ATE1: variants seen among roughly 807,000 people sequenced by gnomAD.
ATE1 encodes the protein arginyltransferase 1.
A neutral mutation model predicts 70.5 loss-of-function variants in ATE1; 36 were observed. That is an observed-to-expected ratio of 0.51 (90% CI 0.39 to 0.67). The LOEUF (loss-of-function observed/expected upper bound fraction) is 0.67. Ranked by LOEUF, ATE1 falls within the 30% of genes least tolerant of loss-of-function variation. ATE1 has a pLI of 0.00. For missense variants in ATE1, 593 were observed against 629.5 expected, an observed-to-expected ratio of 0.94 and a Z score of 0.62; for synonymous variants, 232 against 219.3, an observed-to-expected ratio of 1.06 and a Z score of -0.51.
chr10:121,831,272 G>A (rs1165856584), intron 10 of ATE1, among the ~76,000 whole-genome samples: 13 of 151,960 alleles, frequency 8.6e-5, no homozygotes, highest in Admixed American at 7.2e-4. Flanking sequence ...ACACACATAC[G>A]TTTATTTATA....
chr10:121,760,937 A>G (rs767873168), intron 11 of ATE1, among the ~76,000 whole-genome samples: 11 of 152,190 alleles, frequency 7.2e-5, no homozygotes, highest in East Asian at 1.9e-4. Context: ...TTGATGTCCA[A>G]TGTTGGAGGT....
chr10:121,833,753 T>C (rs772549381), intron 10 of ATE1, among the ~76,000 whole-genome samples: 8 of 152,142 alleles, frequency 5.3e-5, no homozygotes, highest in Non-Finnish European at 8.8e-5. Context: ...AGGGCAAAGA[T>C]AGGAGCTTCT....
rs533284479 is a variant in ATE1 at position 121,756,135 on chromosome 10, A to T, written c.1379-12277T>A. On this transcript the variant is annotated intron_variant, in intron 11 of 11. Coordinates refer to ENST00000224652, the MANE Select transcript of ATE1 (RefSeq NM_001001976.3). ...CCAAATGGGAGAAATTGGCCAAAAC[A>T]AAAGGGCTACAGGTCCCATGCAAGT... Among the ~76,000 whole-genome samples, 4 of 152,214 alleles carry T rather than the reference A, an allele frequency of 2.6e-5. No individual in the cohort carries two copies. The East Asian group carries it at 7.7e-4, about 29-fold the overall frequency.
At chr10:121,895,098 G>C (rs903223397) in intron 7 of ATE1, among the ~76,000 whole-genome samples, 3 of 152,122 alleles carry the variant, frequency 2.0e-5, no homozygotes, top group Admixed American at 2.0e-4. Context: ...TGAGCACATG[G>C]AGGGAGAAAG....
chr10:121,844,505 T>C (rs1463954547), intron 8 of ATE1, among the ~76,000 whole-genome samples: 2 of 152,108 alleles, frequency 1.3e-5, no homozygotes, highest in African/African-American at 4.8e-5. Flanking sequence ...GAATGTAAAA[T>C]GGTATAGATG....
intron 8 of ATE1, among the ~76,000 whole-genome samples, chr10:121,856,286 T>C (rs1426129198): frequency 6.6e-6 from 1 of 151,942 alleles, no homozygotes; most frequent in African/African-American, 2.4e-5. Context: ...TCCCAGCACT[T>C]TGGGAGGCCA....
At chr10:121,922,454 C>A in intron 2 of ATE1, 43 bp from the exon 3 acceptor site, 2 of 1,246,768 alleles carry the variant, frequency 1.6e-6, no homozygotes, top group South Asian at 2.6e-5. Context: ...ATATATTTTT[C>A]ACTTGCACCA....
chr10:121,805,571 C>T (rs1947063436), intron 10 of ATE1, among the ~76,000 whole-genome samples: 1 of 152,116 alleles, frequency 6.6e-6, no homozygotes, highest in South Asian at 2.1e-4. Context: ...TGTCTGAGAA[C>T]GAGATCTTAA....
At chr10:121,789,290 G>C (rs1946335462) in intron 11 of ATE1, among the ~76,000 whole-genome samples, 1 of 98,058 alleles carries the variant, frequency 1.0e-5, no homozygotes, top group African/African-American at 3.8e-5. Context: ...TAACTCCAGG[G>C]CTATGCTTTT....
At chr10:121,835,782 G>T (rs1316539861) in intron 10 of ATE1, among the ~76,000 whole-genome samples, 1 of 152,128 alleles carries the variant, frequency 6.6e-6, no homozygotes, top group Non-Finnish European at 1.5e-5. Flanking sequence ...AATAATTCAA[G>T]AGAGGGTGGA....
At position 121,927,611 on chromosome 10, in the gene ATE1, G is replaced by C. The variant is rs1168318714; in HGVS notation, c.106+233C>G. The C allele has an allele frequency of 6.3e-6, 6 of 958,862 alleles. No individual in the cohort carries two copies. In the Admixed American group the frequency reaches 3.1e-4, roughly 49 times the overall value. 59.4% of individuals were successfully genotyped at this position (958,862 alleles called of 1,614,324 possible). A position where few individuals can be genotyped will look rare whatever the true frequency, so the allele number is the denominator to read the frequency against. Reference sequence around the variant, plus strand: ...ACGGGCGTCCGTCTCCCGACTCTGGGGAGACCACCACGATTTCGAGAGTAC... The same window carrying C: ...ACGGGCGTCCGTCTCCCGACTCTGGCGAGACCACCACGATTTCGAGAGTAC... On this transcript the variant is annotated intron_variant, in intron 1 of 11. Coordinates refer to ENST00000224652, the MANE Select transcript of ATE1 (RefSeq NM_001001976.3).
At chr10:121,758,271 T>C (rs1043643036) in intron 11 of ATE1, among the ~76,000 whole-genome samples, 1 of 152,180 alleles carries the variant, frequency 6.6e-6, no homozygotes, top group African/African-American at 2.4e-5. Flanking sequence ...ACAAAAGCTA[T>C]TAAGCTATTA....
chr10:121,743,356 G>A lies in ATE1; in HGVS notation c.*324C>T. 2 of 224,770 alleles carry A rather than the reference G, an allele frequency of 8.9e-6. No individual in the cohort carries two copies. Among genetic ancestry groups the A allele is most frequent in the Non-Finnish European group, 1.6e-5 (2 of 126,194 alleles). The allele number at this position is 224,770 out of a possible 1,614,324, so 13.9% of individuals were successfully genotyped here. On this transcript the variant is annotated 3_prime_UTR_variant, in exon 12 of 12. Transcript: ENST00000224652. ...ACAGAACCAAAAAAAATGCACAACT[G>A]TGATTAAGTTACTTAGATTCACTTC...
intron 10 of ATE1, among the ~76,000 whole-genome samples, chr10:121,796,620 C>A (rs1241260839): frequency 6.6e-6 from 1 of 152,132 alleles, no homozygotes; most frequent in Non-Finnish European, 1.5e-5. Flanking sequence ...ACCACTTAGA[C>A]TACTTGTAAG....
At chr10:121,870,810 A>G (rs1354860940) in intron 7 of ATE1, among the ~76,000 whole-genome samples, 1 of 152,258 alleles carries the variant, frequency 6.6e-6, no homozygotes, top group Non-Finnish European at 1.5e-5. Context: ...GGACCGTCAC[A>G]TAACTTCATG....
rs58755370 is a variant in ATE1 at position 121,818,728 on chromosome 10, C to A, written c.1257+17990G>T. 3.9e-3 allele frequency among the ~76,000 whole-genome samples: 601 copies of A among 152,280 alleles called. 4 individuals are homozygous for A. The highest frequency in any genetic ancestry group is 0.014 in the African/African-American group (582 of 41,568). On this transcript the variant is annotated intron_variant, in intron 10 of 11. Coordinates refer to ENST00000224652, the MANE Select transcript of ATE1 (RefSeq NM_001001976.3). ...GGCAGGGAGCTTTAAGATCTACTTA[C>A]AGAATTTGTTTAAAAACTTGTTTAA...
intron 8 of ATE1, among the ~76,000 whole-genome samples, chr10:121,863,340 G>C (rs1490217349): frequency 7.2e-6 from 1 of 139,666 alleles, no homozygotes; most frequent in Non-Finnish European, 1.5e-5. Context: ...TGCAACCTCC[G>C]CCTCCCGGGT....
chr10:121,918,822 G>GA (rs958085523), intron 3 of ATE1, among the ~76,000 whole-genome samples: 11 of 150,866 alleles, frequency 7.3e-5, no homozygotes, highest in African/African-American at 2.4e-4. Context: ...GGGTGGGGGG[G>GA]ACGTGAAGAA....
intron 10 of ATE1, among the ~76,000 whole-genome samples, chr10:121,819,700 A>AAAAAAAAAC (rs1238894893): frequency 6.7e-6 from 1 of 150,074 alleles, no homozygotes. Context: ...AAAAAAAAAA[A>AAAAAAAAAC]AGACTACACA....
Sources: allele counts gnomAD v4.1 joint callset (sites outside exome capture counted in the v4.1 genomes callset), GRCh38; gene constraint gnomAD v4.1.1; transcripts MANE v1.5; gene names NCBI Gene and HGNC (gene_info 2026-07-23, HGNC 2026-07-21).